PMFBP1: variants seen among roughly 807,000 people sequenced by gnomAD.
PMFBP1 encodes polyamine-modulated factor 1-binding protein 1.
In PMFBP1, 131 loss-of-function variants were observed where a neutral mutation model predicts 137.8. The observed-to-expected ratio is 0.95, with a 90% CI of 0.82 to 1.10. The LOEUF (loss-of-function observed/expected upper bound fraction) is 1.10. Ranked by LOEUF, PMFBP1 falls within the 50% of genes least tolerant of loss-of-function variation. The pLI, the probability that PMFBP1 is intolerant of heterozygous loss-of-function variation, is 0.00. For synonymous variants in PMFBP1, 490 were observed against 450.4 expected, an observed-to-expected ratio of 1.09 and a Z score of -1.11; for missense variants, 1,199 against 1,175.4, an observed-to-expected ratio of 1.02 and a Z score of -0.29.
the PMFBP1 span, among the ~76,000 whole-genome samples, chr16:72,196,030 T>A: frequency 5.6e-4 from 58 of 104,206 alleles, no homozygotes; most frequent in Non-Finnish European, 8.3e-4. Context: ...TGTGTGTGTG[T>A]GAAAGAGAGA....
intron 19 of PMFBP1, among the ~76,000 whole-genome samples, chr16:72,121,579 C>G (rs181905847): frequency 1.3e-5 from 2 of 152,352 alleles, no homozygotes; most frequent in African/African-American, 4.8e-5. Flanking sequence ...TCTGAGGCAG[C>G]CACTGCTTGG....
chr16:72,203,351 G>A, the PMFBP1 span, among the ~76,000 whole-genome samples: 1 of 152,190 alleles, frequency 6.6e-6, no homozygotes, highest in Non-Finnish European at 1.5e-5. Flanking sequence ...AAGAGGGTGT[G>A]GTAGGTTGGA....
the PMFBP1 span, among the ~76,000 whole-genome samples, chr16:72,197,603 G>A: frequency 6.6e-6 from 1 of 152,176 alleles, no homozygotes; most frequent in African/African-American, 2.4e-5. Context: ...TTATGTCCCC[G>A]GCTGCCCTCC....
the PMFBP1 span, among the ~76,000 whole-genome samples, chr16:72,241,943 T>C: frequency 6.6e-6 from 1 of 152,222 alleles, no homozygotes; most frequent in Non-Finnish European, 1.5e-5. Context: ...ATAATTAACA[T>C]AGTCTCCTTC....
the PMFBP1 span, among the ~76,000 whole-genome samples, chr16:72,209,982 T>C: frequency 1.3e-5 from 2 of 152,230 alleles, no homozygotes; most frequent in Non-Finnish European, 2.9e-5. Context: ...CTTCCATTGT[T>C]CCTTTCACCC....
At chr16:72,195,981 ATGTGTG>A in the PMFBP1 span, among the ~76,000 whole-genome samples, 9,315 of 144,958 alleles carry the variant, frequency 0.064, 552 homozygotes, top group East Asian at 0.3. Context: ...AGCTTACAGA[ATGTGTG>A]TGTGTGTGTG....
chr16:72,140,843 C>T (rs1441632283), intron 5 of PMFBP1, among the ~76,000 whole-genome samples: 1 of 151,500 alleles, frequency 6.6e-6, no homozygotes, highest in Non-Finnish European at 1.5e-5. Context: ...TGATGACAAT[C>T]CATGTTACCA....
At chr16:72,120,233 G>C (rs1471851486) in intron 19 of PMFBP1, 144 bp from the exon 20 acceptor site, 1 of 1,363,580 alleles carries the variant, frequency 7.3e-7, no homozygotes, top group South Asian at 1.4e-5. Context: ...CACATGCTCT[G>C]TAGAAATGGA....
Position 72,169,803 on chromosome 16 carries a change from G to A in PMFBP1, c.12+1394C>T, listed in dbSNP as rs186989708. 2.1e-4 allele frequency among the ~76,000 whole-genome samples: 32 copies of A among 152,156 alleles called. 1 individual carries two copies. Among genetic ancestry groups the A allele is most frequent in the African/African-American group, 7.5e-4 (31 of 41,512 alleles). On this transcript the variant is annotated intron_variant, in intron 2 of 20. Transcript: ENST00000237353. ...TACATTTCCCCATGTATAATATAGAGATAATTATGGCTTTCTTAAGGTTGT... is the reference window on the plus strand; with the variant it reads ...TACATTTCCCCATGTATAATATAGAAATAATTATGGCTTTCTTAAGGTTGT...
chr16:72,147,620 A>G (rs2042829736), intron 5 of PMFBP1, among the ~76,000 whole-genome samples: 1 of 152,266 alleles, frequency 6.6e-6, no homozygotes, highest in Non-Finnish European at 1.5e-5. Flanking sequence ...TTTGCAATCT[A>G]TCCATCTGAC....
chr16:72,214,684 A>G, the PMFBP1 span, among the ~76,000 whole-genome samples: 2 of 152,224 alleles, frequency 1.3e-5, no homozygotes, highest in Non-Finnish European at 2.9e-5. Context: ...GAGCATGTGT[A>G]GGACCCCACA....
chr16:72,170,155 C>T (rs1317580885), intron 2 of PMFBP1, among the ~76,000 whole-genome samples: 1 of 151,664 alleles, frequency 6.6e-6, no homozygotes, highest in Non-Finnish European at 1.5e-5. Flanking sequence ...CAATGAACGC[C>T]TGGCATATTG....
chr16:72,241,290 G>A, the PMFBP1 span, among the ~76,000 whole-genome samples: 8 of 152,164 alleles, frequency 5.3e-5, no homozygotes, highest in Non-Finnish European at 8.8e-5. Flanking sequence ...TCTCCCAGCT[G>A]TAATGAGGAT....
chr16:72,143,313 G>A (rs1474904258), intron 5 of PMFBP1, among the ~76,000 whole-genome samples: 1 of 152,182 alleles, frequency 6.6e-6, no homozygotes. Context: ...TGGTCAATAC[G>A]ATAAGATGGA....
Position 72,139,302 on chromosome 16 carries a change from T to A in PMFBP1, c.905A>T (p.Glu302Val). 1 of 1,613,470 alleles carries A rather than the reference T, an allele frequency of 6.2e-7. No homozygotes were observed. Among genetic ancestry groups the A allele is most frequent in the Admixed American group, 1.7e-5 (1 of 60,002 alleles). The change falls in exon 7 of 21, where the codon GAA becomes GTA. Residue 302 changes from glutamate (E) to valine (V), a missense_variant. Transcript: ENST00000237353. ...RYPPSSSEEC[E>V]DIKKILKHLQ... ...AATTTCTCCCACCTTTTTGATGTCT[T>A]CACACTCTTCTGAGGAGCTAGGAGG... is the stretch of plus-strand genomic sequence containing the variant.
chr16:72,191,186 T>C, the PMFBP1 span, among the ~76,000 whole-genome samples: 1 of 152,198 alleles, frequency 6.6e-6, no homozygotes, highest in Non-Finnish European at 1.5e-5. Context: ...TCCTGCTACT[T>C]TACAGACAGA....
rs1344508478 is a variant in PMFBP1 at position 72,171,226 on chromosome 16, A to G, written c.-18T>C. On this transcript the variant is annotated 5_prime_UTR_variant, in exon 2 of 21. Coordinates refer to ENST00000237353, the MANE Select transcript of PMFBP1 (RefSeq NM_031293.3). ...TCTTTCATTTCCTTGGCAGCTCTCA[A>G]TTCTCCTTTAACCTTTAGTATTTTC... The G allele has an allele frequency of 6.2e-7, 1 of 1,613,694 alleles. No individual in the cohort carries two copies. The highest frequency in any genetic ancestry group is 1.7e-5 in the Admixed American group (1 of 60,016).
At chr16:72,236,073 T>A in the PMFBP1 span, among the ~76,000 whole-genome samples, 1 of 152,158 alleles carries the variant, frequency 6.6e-6, no homozygotes, top group Admixed American at 6.5e-5. Context: ...TTCCTGATCT[T>A]AGGGGGAATG....
At chr16:72,133,867 C>T (rs148078557) in intron 9 of PMFBP1, among the ~76,000 whole-genome samples, 1 of 152,108 alleles carries the variant, frequency 6.6e-6, no homozygotes, top group African/African-American at 2.4e-5. Context: ...TGCAGGACCC[C>T]GGAAGTATGC....
Sources: allele counts gnomAD v4.1 joint callset (sites outside exome capture counted in the v4.1 genomes callset), GRCh38; gene constraint gnomAD v4.1.1; transcripts MANE v1.5; gene names NCBI Gene and HGNC (gene_info 2026-07-23, HGNC 2026-07-21).